Variants in FAM20B observed in about 807,000 individuals in gnomAD.
The protein encoded by FAM20B is glycosaminoglycan xylosylkinase.
FAM20B carries 23 observed loss-of-function variants against 43.8 expected under a neutral mutation model. That is an observed-to-expected ratio of 0.53 (90% CI 0.38 to 0.74). FAM20B has a LOEUF of 0.74. Among genes scored for constraint, FAM20B ranks in the 30% least tolerant of loss-of-function variants. FAM20B has a pLI of 0.00. For synonymous variants in FAM20B, 178 were observed against 192.4 expected, an observed-to-expected ratio of 0.93 and a Z score of 0.62; for missense variants, 440 against 510.5, an observed-to-expected ratio of 0.86 and a Z score of 1.33.
At chr1:179,020,870 A>C (rs1281600642), upstream of FAM20B, among the ~76,000 whole-genome samples, 2 of 152,208 alleles carry the variant, frequency 1.3e-5, no homozygotes, top group East Asian at 3.9e-4. Flanking sequence ...CAGGAGTTTG[A>C]GGACAGCCTG....
rs1414129858 is a variant in FAM20B, at chr1:179,072,070, G to A, written c.1156G>A (p.Val386Met). Residue 386 changes from valine to methionine, a missense_variant, in exon 8 of 8, where the codon GTG (valine) becomes ATG (methionine). Val to Met is a conservative substitution (Grantham distance 21). Coordinates refer to ENST00000263733, the MANE Select transcript of FAM20B (RefSeq NM_014864.4). ...DQRLLSVLAT[V>M]KQCTDQFGMD... is the part of the protein sequence containing the mutation. ...GCGGCTCCTGAGTGTCCTGGCCACC[G>A]TGAAGCAGTGCACCGACCAGTTTGG... 4.3e-6 allele frequency: 7 copies of A among 1,614,046 alleles called. No homozygotes were observed. Among genetic ancestry groups the A allele is most frequent in the South Asian group, 1.1e-5 (1 of 91,084 alleles).
chr1:179,026,759 C>G (rs1421337631), intron 1 of FAM20B, among the ~76,000 whole-genome samples: 1 of 152,218 alleles, frequency 6.6e-6, no homozygotes, highest in Non-Finnish European at 1.5e-5. Flanking sequence ...GTGACGGCCC[C>G]GCGATTAAGA....
chr1:179,071,924 C>G lies in FAM20B; in HGVS notation c.1010C>G (p.Ser337Cys), dbSNP rs1651940784. The change falls in exon 8 of 8, where the codon TCC becomes TGC. Residue 337 changes from serine to cysteine, a missense_variant. By Grantham distance (112) the Ser-to-Cys change is moderately radical. Coordinates refer to ENST00000263733, the MANE Select transcript of FAM20B (RefSeq NM_014864.4). ...ACTTTTTCTCCCAGCATTCGGGTGT[C>G]CACCTGGAACAGACTGAACTACCTA... is the stretch of plus-strand genomic sequence containing the variant. The part of the protein sequence containing the change: ...PLYQCCIIRV[S>C]TWNRLNYLKN... 6.2e-7 allele frequency: 1 copy of G among 1,612,500 alleles called. No individual in the cohort carries two copies. The highest frequency in any genetic ancestry group is 8.5e-7 in the Non-Finnish European group (1 of 1,178,806).
At chr1:179,037,342 A>AAAACTTGTTT (rs1316788952) in intron 1 of FAM20B, among the ~76,000 whole-genome samples, 7 of 117,052 alleles carry the variant, frequency 6.0e-5, no homozygotes, top group African/African-American at 2.8e-4. Flanking sequence ...CACAAACATG[A>AAAACTTGTTT]AAACTTGTTT....
chr1:179,056,936 T>A (rs144205188), intron 4 of FAM20B, among the ~76,000 whole-genome samples: 1 of 152,332 alleles, frequency 6.6e-6, no homozygotes, highest in Non-Finnish European at 1.5e-5. Flanking sequence ...TGCTGAGGTG[T>A]CTGTTAAGGT....
chr1:179,019,749 A>C, the FAM20B span, among the ~76,000 whole-genome samples: 1 of 152,150 alleles, frequency 6.6e-6, no homozygotes, highest in Non-Finnish European at 1.5e-5. Flanking sequence ...GGTGTGGGCC[A>C]CTGCGCCTGG....
At chr1:179,017,622 A>G in the FAM20B span, among the ~76,000 whole-genome samples, 6 of 152,226 alleles carry the variant, frequency 3.9e-5, no homozygotes, top group South Asian at 1.2e-3. Flanking sequence ...CTGTGTCATT[A>G]TGTCATTCTT....
At chr1:179,035,507 T>G in intron 1 of FAM20B, 1 of 681,846 alleles carries the variant, frequency 1.5e-6, no homozygotes, top group Non-Finnish European at 2.7e-6. Flanking sequence ...TGTCCCTGAC[T>G]GCTGTGGCCT....
At chr1:179,045,182 C>T (rs1233948435) in intron 2 of FAM20B, among the ~76,000 whole-genome samples, 1 of 152,132 alleles carries the variant, frequency 6.6e-6, no homozygotes, top group Admixed American at 6.6e-5. Flanking sequence ...CTACACAAGA[C>T]AGCTTGGAGG....
intron 7 of FAM20B, 71 bp from the exon 8 acceptor site, chr1:179,071,842 C>G: frequency 1.9e-6 from 2 of 1,068,470 alleles, no homozygotes; most frequent in Admixed American, 3.9e-5. Flanking sequence ...CTTTTGTCTG[C>G]CTAGCAGGCT....
intron 2 of FAM20B, among the ~76,000 whole-genome samples, chr1:179,047,561 C>A (rs1650827498): frequency 6.6e-6 from 1 of 152,248 alleles, no homozygotes; most frequent in African/African-American, 2.4e-5. Context: ...AGGGCACTCT[C>A]TTCTCCAACT....
upstream of FAM20B, among the ~76,000 whole-genome samples, chr1:179,021,320 A>C (rs1035468644): frequency 1.3e-4 from 20 of 152,288 alleles, no homozygotes; most frequent in Middle Eastern, 3.4e-3. Flanking sequence ...ATCACAACAA[A>C]AAAAAAATGT....
At chr1:179,070,766 A>C (rs1343539192) in intron 7 of FAM20B, among the ~76,000 whole-genome samples, 1 of 150,772 alleles carries the variant, frequency 6.6e-6, no homozygotes, top group Non-Finnish European at 1.5e-5. Context: ...CTGAGGGCCC[A>C]CCTCGGCCTC....
At chr1:179,071,636 T>TCCC (rs1651928419) in intron 7 of FAM20B, among the ~76,000 whole-genome samples, 1 of 152,222 alleles carries the variant, frequency 6.6e-6, no homozygotes, top group South Asian at 2.1e-4. Context: ...TCCCAGTCGT[T>TCCC]AGACATTCAG....
the FAM20B span, among the ~76,000 whole-genome samples, chr1:179,020,120 C>T: frequency 1.3e-5 from 2 of 151,688 alleles, no homozygotes; most frequent in Non-Finnish European, 1.5e-5. Flanking sequence ...CCATAGATGT[C>T]TATGATTTGG....
At chr1:179,037,671 G>A (rs957089087) in intron 1 of FAM20B, among the ~76,000 whole-genome samples, 3 of 151,930 alleles carry the variant, frequency 2.0e-5, no homozygotes, top group Non-Finnish European at 4.4e-5. Flanking sequence ...ATTTTTCATA[G>A]AGATGGGGTT....
intron 1 of FAM20B, among the ~76,000 whole-genome samples, chr1:179,036,859 G>A (rs1650252923): frequency 6.6e-6 from 1 of 152,188 alleles, no homozygotes; most frequent in African/African-American, 2.4e-5. Context: ...AATTGCCTTA[G>A]AGATGGCCTT....
At chr1:179,062,289 A>T (rs1466446709) in intron 4 of FAM20B, among the ~76,000 whole-genome samples, 1 of 152,140 alleles carries the variant, frequency 6.6e-6, no homozygotes, top group African/African-American at 2.4e-5. Flanking sequence ...GGTGGGAAAT[A>T]TATGTATATG....
At chr1:179,019,327 T>C in the FAM20B span, among the ~76,000 whole-genome samples, 1 of 152,168 alleles carries the variant, frequency 6.6e-6, no homozygotes, top group East Asian at 1.9e-4. Context: ...GCAGCCACAG[T>C]TGGCAGAACT....
Sources: gnomAD v4.1 joint callset for allele counts (sites outside exome capture counted in the v4.1 genomes callset) on GRCh38, gnomAD v4.1.1 for gene constraint, MANE v1.5 for transcripts, NCBI Gene and HGNC (gene_info 2026-07-23, HGNC 2026-07-21) for gene names.